KHDRBS2: variants seen among roughly 807,000 people sequenced by gnomAD.
The protein encoded by KHDRBS2 is KH RNA binding domain containing, signal transduction associated 2.
KHDRBS2 carries 26 observed loss-of-function variants against 44.3 expected under a neutral mutation model. The observed-to-expected ratio is 0.59, with a 90% CI of 0.43 to 0.81. KHDRBS2 has a LOEUF of 0.81. Among genes scored for constraint, KHDRBS2 ranks in the 40% least tolerant of loss-of-function variants. The pLI, the probability that KHDRBS2 is intolerant of heterozygous loss-of-function variation, is 0.00. For missense variants in KHDRBS2, 476 were observed against 433.1 expected, an observed-to-expected ratio of 1.10 and a Z score of -0.88; for synonymous variants, 194 against 151.1, an observed-to-expected ratio of 1.28 and a Z score of -2.08.
intron 1 of KHDRBS2, among the ~76,000 whole-genome samples, chr6:62,274,865 CA>C (rs1840664434): frequency 6.6e-6 from 1 of 152,024 alleles, no homozygotes; most frequent in African/African-American, 2.4e-5. Flanking sequence ...CCAATTGGGT[CA>C]AGTCTGTATT....
chr6:61,546,989 G>A, the KHDRBS2 span, among the ~76,000 whole-genome samples: 1 of 151,944 alleles, frequency 6.6e-6, no homozygotes, highest in Admixed American at 6.6e-5. Flanking sequence ...ACCACCTCTG[G>A]ACAGGATGCG....
chr6:62,242,105 T>C (rs988223360), intron 1 of KHDRBS2, among the ~76,000 whole-genome samples: 1 of 152,158 alleles, frequency 6.6e-6, no homozygotes, highest in African/African-American at 2.4e-5. Flanking sequence ...TTTAGCATCA[T>C]ATTATTAAAA....
chr6:62,213,829 A>G (rs517862), intron 1 of KHDRBS2, among the ~76,000 whole-genome samples: 33,160 of 137,552 alleles, frequency 0.24, 5,492 homozygotes, highest in African/African-American at 0.48. Context: ...AGCCGAGATC[A>G]CGCCACTGCA....
At chr6:62,173,000 T>C (rs567732545) in intron 2 of KHDRBS2, among the ~76,000 whole-genome samples, 2 of 151,914 alleles carry the variant, frequency 1.3e-5, no homozygotes, top group South Asian at 4.2e-4. Flanking sequence ...GATCTCAAAT[T>C]AGCAACCTAA....
At chr6:61,715,484 T>C (rs1307233855) in intron 7 of KHDRBS2, among the ~76,000 whole-genome samples, 1 of 151,986 alleles carries the variant, frequency 6.6e-6, no homozygotes, top group Non-Finnish European at 1.5e-5. Context: ...AATTCTATAG[T>C]AATGAATCAT....
chr6:62,009,652 T>C (rs1299264428), intron 3 of KHDRBS2, among the ~76,000 whole-genome samples: 1 of 152,046 alleles, frequency 6.6e-6, no homozygotes. Flanking sequence ...CTGTGTGCAG[T>C]CAAGAGACTT....
At chr6:61,763,804 A>G (rs1158980525) in intron 6 of KHDRBS2, among the ~76,000 whole-genome samples, 1 of 152,120 alleles carries the variant, frequency 6.6e-6, no homozygotes, top group Non-Finnish European at 1.5e-5. Context: ...GATAAAAACT[A>G]TTTTTATAAA....
chr6:61,618,155 T>A, the KHDRBS2 span, among the ~76,000 whole-genome samples: 1 of 152,180 alleles, frequency 6.6e-6, no homozygotes, highest in Non-Finnish European at 1.5e-5. Context: ...TCAGTCTGAA[T>A]GCCTGAATCA....
chr6:61,767,735 C>T (rs1780216986), intron 6 of KHDRBS2, among the ~76,000 whole-genome samples: 1 of 151,986 alleles, frequency 6.6e-6, no homozygotes, highest in Non-Finnish European at 1.5e-5. Flanking sequence ...ATTTCATAAA[C>T]AAACAAGCAA....
the KHDRBS2 span, among the ~76,000 whole-genome samples, chr6:61,546,933 A>G: frequency 6.6e-6 from 1 of 152,124 alleles, no homozygotes; most frequent in Admixed American, 6.6e-5. Context: ...GTTCAGAGTC[A>G]AGGGTGACTG....
intron 2 of KHDRBS2, among the ~76,000 whole-genome samples, chr6:62,110,040 T>C (rs1394046208): frequency 6.6e-6 from 1 of 151,932 alleles, no homozygotes; most frequent in Non-Finnish European, 1.5e-5. Context: ...TAAATTGATC[T>C]TCATCAAAAT....
chr6:61,776,574 A>G (rs1582780288), intron 6 of KHDRBS2, among the ~76,000 whole-genome samples: 1 of 152,202 alleles, frequency 6.6e-6, no homozygotes, highest in Non-Finnish European at 1.5e-5. Context: ...AATGCAAATC[A>G]AAACCATAAT....
the KHDRBS2 span, among the ~76,000 whole-genome samples, chr6:61,567,069 T>A: frequency 5.1e-4 from 78 of 152,202 alleles, no homozygotes; most frequent in African/African-American, 1.7e-3. Context: ...CATCTGTGTT[T>A]GCTAGTTATC....
intron 1 of KHDRBS2, among the ~76,000 whole-genome samples, chr6:62,248,777 T>C (rs1836042042): frequency 6.6e-6 from 1 of 152,136 alleles, no homozygotes; most frequent in African/African-American, 2.4e-5. Context: ...TGGCAAAAGG[T>C]ATATTACAAA....
chr6:61,614,421 G>A, the KHDRBS2 span, among the ~76,000 whole-genome samples: 12 of 152,150 alleles, frequency 7.9e-5, no homozygotes, highest in Non-Finnish European at 1.8e-4. Context: ...TACTTCCAAA[G>A]ATTTCCTAGT....
chr6:62,196,453 G>C (rs1271990288), intron 1 of KHDRBS2, among the ~76,000 whole-genome samples: 1 of 152,066 alleles, frequency 6.6e-6, no homozygotes, highest in Non-Finnish European at 1.5e-5. Context: ...TCTCAGTTCT[G>C]TACAGTACTA....
At chr6:61,913,809 T>C (rs1806477744) in intron 4 of KHDRBS2, among the ~76,000 whole-genome samples, 1 of 151,890 alleles carries the variant, frequency 6.6e-6, no homozygotes, top group South Asian at 2.1e-4. Context: ...TGGATCTGGT[T>C]CACTAGTCTT....
chr6:62,001,184 T>C (rs1360567528), intron 3 of KHDRBS2, among the ~76,000 whole-genome samples: 1 of 152,202 alleles, frequency 6.6e-6, no homozygotes, highest in Non-Finnish European at 1.5e-5. Flanking sequence ...AGCAAAGTCC[T>C]TAAAGAATAT....
At chr6:62,161,649 T>G (rs1817690087) in intron 2 of KHDRBS2, among the ~76,000 whole-genome samples, 1 of 150,178 alleles carries the variant, frequency 6.7e-6, no homozygotes, top group Non-Finnish European at 1.5e-5. Flanking sequence ...GAAATTTACT[T>G]CTGTCATTTT....
Sources: gnomAD v4.1 joint callset for allele counts (sites outside exome capture counted in the v4.1 genomes callset) on GRCh38, gnomAD v4.1.1 for gene constraint, MANE v1.5 for transcripts, NCBI Gene and HGNC (gene_info 2026-07-23, HGNC 2026-07-21) for gene names.